Variants in LMO3 observed in about 807,000 individuals in gnomAD.
LMO3 encodes the protein LIM domain only protein 3.
Under a neutral mutation model 15.8 loss-of-function variants are expected in LMO3, and 2 were observed. The ratio of observed to expected loss-of-function variants is 0.13; its 90% CI spans 0.05 to 0.40. The LOEUF (loss-of-function observed/expected upper bound fraction) is 0.40. Among genes scored for constraint, LMO3 ranks in the 10% least tolerant of loss-of-function variants. The pLI is 0.99. For missense variants in LMO3, 86 were observed against 182.2 expected (o/e 0.47, Z 3.04); for synonymous variants, 62 against 63.8 (o/e 0.97, Z 0.13).
rs1316107850 is a variant in LMO3, at chr12:16,586,317, C to T, written c.206+14338G>A. 1.3e-5 allele frequency among the ~76,000 whole-genome samples: 2 copies of T among 152,268 alleles called. No individual in the cohort carries two copies. Among genetic ancestry groups the T allele is most frequent in the Non-Finnish European group, 2.9e-5 (2 of 68,022 alleles). On this transcript the variant is annotated intron_variant, in intron 2 of 3. Coordinates refer to ENST00000537304, the MANE Select transcript of LMO3 (RefSeq NM_018640.5). The surrounding 1 kb of genome is among the most constrained non-coding windows in gnomAD (Gnocchi z 4.3). The stretch of plus-strand genomic sequence containing the variant: ...GTCATGATACGATGAAGTCCACATA[C>T]GGAACAACTAAGAAACAACTAAAAC...
At chr12:16,578,776 C>A (rs1943070048) in intron 2 of LMO3, among the ~76,000 whole-genome samples, 1 of 151,862 alleles carries the variant, frequency 6.6e-6, no homozygotes, top group South Asian at 2.1e-4. Flanking sequence ...CGAGATCGAG[C>A]CACTGAACTC....
chr12:16,566,455 T>C (rs1942613802), intron 2 of LMO3, among the ~76,000 whole-genome samples: 1 of 152,058 alleles, frequency 6.6e-6, no homozygotes. Flanking sequence ...GCGATGGGTA[T>C]TTGAACTACC....
chr12:16,560,841 G>A lies in LMO3; in HGVS notation c.207-303C>T. On this transcript the variant is annotated intron_variant, in intron 2 of 3. Coordinates refer to ENST00000537304, the MANE Select transcript of LMO3 (RefSeq NM_018640.5). The surrounding 1 kb of genome is among the most constrained non-coding windows in gnomAD (Gnocchi z 5.0). ...GTGAATTCATAGCAAAAATCTCTGG[G>A]TTAGAGTATATAGAAAATATAAAAG... 1 of 389,492 alleles carries A rather than the reference G, an allele frequency of 2.6e-6. No homozygotes were observed. Among genetic ancestry groups the A allele is most frequent in the South Asian group, 2.3e-5 (1 of 42,566 alleles). The allele number at this position is 389,492 out of a possible 1,614,324, so 24.1% of individuals were successfully genotyped here. A position where few individuals can be genotyped will look rare whatever the true frequency, so the allele number is the denominator to read the frequency against.
At chr12:16,565,965 T>C (rs1458595040) in intron 2 of LMO3, among the ~76,000 whole-genome samples, 8 of 120,588 alleles carry the variant, frequency 6.6e-5, no homozygotes, top group Admixed American at 5.9e-4. Flanking sequence ...AATGGATGAA[T>C]GGATGAAGAA....
chr12:16,605,860 C>T, intron 1 of LMO3: 1 of 1,524,748 alleles, frequency 6.6e-7, no homozygotes. Flanking sequence ...ATAATGAAGC[C>T]TCACATGATT....
chr12:16,554,617 C>G (rs1237768074), intron 3 of LMO3, among the ~76,000 whole-genome samples: 2 of 152,208 alleles, frequency 1.3e-5, no homozygotes, highest in African/African-American at 4.8e-5. Context: ...TCTTGCTATA[C>G]ATTATTCAAA....
chr12:16,565,806 A>C (rs1013978822), intron 2 of LMO3, among the ~76,000 whole-genome samples: 2 of 151,222 alleles, frequency 1.3e-5, no homozygotes, highest in Non-Finnish European at 2.9e-5. Context: ...AAAATTAAAA[A>C]CAGAACTACC....
intron 2 of LMO3, chr12:16,594,067 T>G: frequency 7.2e-7 from 1 of 1,383,286 alleles, no homozygotes; most frequent in Non-Finnish European, 9.9e-7. Context: ...AATAGATGAG[T>G]GCTATAGTTT....
At position 16,587,388 on chromosome 12, in the gene LMO3, G is replaced by A. The variant is rs1318329704; in HGVS notation, c.206+13267C>T. On this transcript the variant is annotated intron_variant, in intron 2 of 3. Transcript: ENST00000537304. The surrounding 1 kb of genome is among the most constrained non-coding windows in gnomAD (Gnocchi z 4.3). ...TAAAACGTTTCACTTAAACATTTCT[G>A]CAATAAAATCTTATTGAACTGTTGC... 6.6e-6 allele frequency among the ~76,000 whole-genome samples: 1 copy of A among 152,106 alleles called. No homozygotes were observed. Among genetic ancestry groups the A allele is most frequent in the East Asian group, 1.9e-4 (1 of 5,188 alleles).
rs2137602269 is a variant in LMO3, at chr12:16,589,048, A to C, written c.206+11607T>G. Among the ~76,000 whole-genome samples the C allele has an allele frequency of 1.3e-5, 2 of 152,206 alleles. No homozygotes were observed. Among genetic ancestry groups the C allele is most frequent in the South Asian group, 4.1e-4 (2 of 4,824 alleles). On this transcript the variant is annotated intron_variant, in intron 2 of 3. Transcript: ENST00000537304. The surrounding 1 kb of genome is among the most constrained non-coding windows in gnomAD (Gnocchi z 4.2). ...TTGAGTAAGTTGCCTAGGAATGTGA[A>C]GCTGGGGTGTAGCAGAAGGGGGTCG...
Position 16,575,579 on chromosome 12 carries a change from G to A in LMO3, c.207-15041C>T, listed in dbSNP as rs559438512. Among the ~76,000 whole-genome samples the A allele has an allele frequency of 1.1e-4, 16 of 152,214 alleles. No homozygotes were observed. The South Asian group carries it at 2.9e-3, about 28-fold the overall frequency. On this transcript the variant is annotated intron_variant, in intron 2 of 3. Transcript: ENST00000537304. ...ATTAATCCTCAGGACAACTGAATGA[G>A]GCAGGTTTATTCATCCATTTTATGG...
intron 3 of LMO3, among the ~76,000 whole-genome samples, chr12:16,557,545 G>A (rs1942238494): frequency 6.6e-6 from 1 of 151,986 alleles, no homozygotes; most frequent in Non-Finnish European, 1.5e-5. Flanking sequence ...ATCATGCTCT[G>A]TGAATTTAAC....
chr12:16,566,972 G>A (rs890296370), intron 2 of LMO3, among the ~76,000 whole-genome samples: 7 of 152,038 alleles, frequency 4.6e-5, no homozygotes, highest in Non-Finnish European at 1.0e-4. Context: ...ACTACAACTT[G>A]GCACTTGAGG....
chr12:16,556,701 C>T (rs901174239), intron 3 of LMO3, among the ~76,000 whole-genome samples: 1 of 152,158 alleles, frequency 6.6e-6, no homozygotes, highest in Non-Finnish European at 1.5e-5. Flanking sequence ...CTGGAGGAGA[C>T]TGAAGCAAAC....
In LMO3 at chr12:16,579,531, G is replaced by A. The variant is rs576632444; in HGVS notation, c.207-18993C>T. ...ATAGTTCCCTTGCTTCTTATTTGTC[G>A]GCATTATGGCCTAATAATTTGAAAA... On this transcript the variant is annotated intron_variant, in intron 2 of 3. Transcript: ENST00000537304. 6.2e-4 allele frequency among the ~76,000 whole-genome samples: 95 copies of A among 152,142 alleles called. 1 individual carries two copies. Among genetic ancestry groups the A allele is most frequent in the African/African-American group, 2.0e-3 (81 of 41,516 alleles).
chr12:16,570,059 C>A (rs960166741), intron 2 of LMO3, among the ~76,000 whole-genome samples: 3 of 152,108 alleles, frequency 2.0e-5, no homozygotes, highest in Non-Finnish European at 4.4e-5. Context: ...TGATATAGCT[C>A]AGGAAGCTGC....
chr12:16,578,815 C>A (rs1055318705), intron 2 of LMO3, among the ~76,000 whole-genome samples: 3 of 135,702 alleles, frequency 2.2e-5, no homozygotes, highest in Non-Finnish European at 4.7e-5. Flanking sequence ...GAGATTCTGT[C>A]TCAAACAACA....
chr12:16,581,293 A>G (rs937714167), intron 2 of LMO3, among the ~76,000 whole-genome samples: 2 of 152,146 alleles, frequency 1.3e-5, no homozygotes, highest in Non-Finnish European at 2.9e-5. Flanking sequence ...TCCTAGCTCC[A>G]TCACTTGCAC....
intron 1 of LMO3, chr12:16,605,524 GCAGAAGCGTCAACAAGGA>G: frequency 1.9e-6 from 1 of 524,932 alleles, no homozygotes; most frequent in South Asian, 4.1e-5. Context: ...GTGGAGAGAG[GCAGAAGCGTCAACAAGGA>G]CCAAAAGATT....
Sources: allele counts gnomAD v4.1 joint callset (sites outside exome capture counted in the v4.1 genomes callset), GRCh38; gene constraint gnomAD v4.1.1; non-coding constraint Gnocchi (gnomAD v3.1); transcripts MANE v1.5; gene names NCBI Gene and HGNC (gene_info 2026-07-23, HGNC 2026-07-21).